The following RGS6 variants were observed in gnomAD, a reference collection of about 807,000 sequenced individuals.
The protein encoded by RGS6 is regulator of G-protein signaling 6.
A neutral mutation model predicts 78.5 loss-of-function variants in RGS6; 30 were observed. The ratio of observed to expected loss-of-function variants is 0.38; its 90% CI spans 0.29 to 0.52. The LOEUF is 0.52. Among genes scored for constraint, RGS6 ranks in the 20% least tolerant of loss-of-function variants. The probability of loss-of-function intolerance (pLI) is 0.85; values close to 1 mark genes in which losing one functional copy is unlikely to be tolerated. For synonymous variants in RGS6, 206 were observed against 206.0 expected, an observed-to-expected ratio of 1.00 and a Z score of 0.00; for missense variants, 495 against 609.7, an observed-to-expected ratio of 0.81 and a Z score of 1.98.
At chr14:71,936,977 G>A (rs1424418267) in intron 1 of RGS6, among the ~76,000 whole-genome samples, 1 of 152,138 alleles carries the variant, frequency 6.6e-6, no homozygotes, top group African/African-American at 2.4e-5. Context: ...TGAAGGATCT[G>A]GACCATTTGT....
At chr14:72,538,059 T>G (rs1170086913) in intron 16 of RGS6, among the ~76,000 whole-genome samples, 2 of 152,226 alleles carry the variant, frequency 1.3e-5, no homozygotes, top group Non-Finnish European at 2.9e-5. Context: ...AGAAAGCCCT[T>G]GCAGATACCA....
chr14:72,169,240 G>A (rs988720328), intron 2 of RGS6, among the ~76,000 whole-genome samples: 2 of 152,200 alleles, frequency 1.3e-5, no homozygotes, highest in Admixed American at 1.3e-4. Flanking sequence ...GAGTAATGAT[G>A]TAGGCTCAGG....
chr14:72,618,714 TG>T, the RGS6 span, among the ~76,000 whole-genome samples: 1 of 149,564 alleles, frequency 6.7e-6, no homozygotes, highest in East Asian at 2.0e-4. Flanking sequence ...ATGCCACTGC[TG>T]GGGTTCTAGA....
At position 71,990,078 on chromosome 14, in the gene RGS6, G is replaced by A. The variant is rs574957882; in HGVS notation, c.84+25203G>A. Among the ~76,000 whole-genome samples the A allele has an allele frequency of 5.3e-5, 8 of 152,282 alleles. No individual in the cohort carries two copies. The South Asian group carries it at 1.7e-3, about 32-fold the overall frequency. ...AAGGTCAAAGGAGAAGTGAGTACGT[G>A]TGAAGAGACACCATACCCAAAGGGC... On this transcript the variant is annotated intron_variant, in intron 2 of 17. Coordinates refer to ENST00000553525, the MANE Select transcript of RGS6 (RefSeq NM_001204424.2).
intron 3 of RGS6, among the ~76,000 whole-genome samples, chr14:72,384,650 G>A (rs1055263381): frequency 7.2e-5 from 11 of 152,154 alleles, no homozygotes; most frequent in African/African-American, 2.4e-4. Context: ...TCAGTTCCCC[G>A]AGTGTCAGTA....
intron 3 of RGS6, among the ~76,000 whole-genome samples, chr14:72,370,499 A>G (rs2083282621): frequency 6.6e-6 from 1 of 152,226 alleles, no homozygotes; most frequent in African/African-American, 2.4e-5. Flanking sequence ...ATGAGGAACA[A>G]GGAGGCTACA....
intron 6 of RGS6, among the ~76,000 whole-genome samples, chr14:72,460,427 A>C (rs2095748492): frequency 6.6e-6 from 1 of 152,202 alleles, no homozygotes; most frequent in Admixed American, 6.5e-5. Flanking sequence ...GGTCCAGCTT[A>C]TGCATTCTCA....
intron 2 of RGS6, among the ~76,000 whole-genome samples, chr14:72,096,289 AAAAAG>A (rs1368162175): frequency 6.6e-6 from 1 of 152,058 alleles, no homozygotes; most frequent in East Asian, 1.9e-4. Flanking sequence ...TTAAAAAAAA[AAAAAG>A]AAAAGAAAAA....
the RGS6 span, among the ~76,000 whole-genome samples, chr14:71,896,484 C>T: frequency 3.3e-5 from 5 of 152,164 alleles, no homozygotes; most frequent in Middle Eastern, 3.4e-3. Context: ...TGGTGGGTTT[C>T]GGCCAGCTTC....
At chr14:72,314,336 G>T (rs847355) in intron 2 of RGS6, among the ~76,000 whole-genome samples, 70,582 of 151,938 alleles carry the variant, frequency 0.46, 16,490 homozygotes, top group South Asian at 0.57. Context: ...GTGGGTCCAG[G>T]CATCACAACA....
intron 2 of RGS6, among the ~76,000 whole-genome samples, chr14:72,092,090 A>G (rs2153503610): frequency 6.6e-6 from 1 of 152,236 alleles, no homozygotes; most frequent in Admixed American, 6.5e-5. Flanking sequence ...TGAAGGTGCC[A>G]TCTCGGCTCA....
intron 3 of RGS6, among the ~76,000 whole-genome samples, chr14:72,359,943 G>A (rs188158907): frequency 3.3e-5 from 5 of 152,256 alleles, no homozygotes; most frequent in South Asian, 2.1e-4. Flanking sequence ...AGAGTGATTC[G>A]AGGTGCTAAG....
At chr14:72,014,776 C>G (rs1381511063) in intron 2 of RGS6, among the ~76,000 whole-genome samples, 1 of 152,170 alleles carries the variant, frequency 6.6e-6, no homozygotes, top group Non-Finnish European at 1.5e-5. Flanking sequence ...CTCTCCTTCC[C>G]TGTTTTTTCT....
chr14:72,347,932 A>G (rs922560083), intron 2 of RGS6, among the ~76,000 whole-genome samples: 26 of 152,348 alleles, frequency 1.7e-4, no homozygotes, highest in Non-Finnish European at 1.9e-4. Flanking sequence ...CACTGAGACT[A>G]AAAGCTTTAT....
chr14:72,212,079 C>T (rs963590171), intron 2 of RGS6, among the ~76,000 whole-genome samples: 1 of 152,102 alleles, frequency 6.6e-6, no homozygotes, highest in African/African-American at 2.4e-5. Flanking sequence ...TGGGGGAGAG[C>T]ACCTAGAGCC....
rs555276596 is a variant in RGS6, at chr14:72,271,176, A to G, written c.85-80919A>G. Among the ~76,000 whole-genome samples the G allele has an allele frequency of 2.3e-4, 35 of 152,300 alleles. 1 individual carries two copies. Among genetic ancestry groups the G allele is most frequent in the African/African-American group, 8.2e-4 (34 of 41,550 alleles). ...GTATTAATCTGTTCTCATGCTGCCAATAAAGACATACCCAAGACTGGGTAA... is the reference window on the plus strand; with the variant it reads ...GTATTAATCTGTTCTCATGCTGCCAGTAAAGACATACCCAAGACTGGGTAA... On this transcript the variant is annotated intron_variant, in intron 2 of 17. Transcript: ENST00000553525.
At chr14:72,170,203 CAAT>C (rs1192719872) in intron 2 of RGS6, among the ~76,000 whole-genome samples, 1 of 152,140 alleles carries the variant, frequency 6.6e-6, no homozygotes, top group African/African-American at 2.4e-5. Flanking sequence ...CCCTTCTTAC[CAAT>C]AAATTCTGCC....
At chr14:72,620,496 C>T in the RGS6 span, among the ~76,000 whole-genome samples, 1 of 152,204 alleles carries the variant, frequency 6.6e-6, no homozygotes, top group Non-Finnish European at 1.5e-5. Flanking sequence ...GTAGCGCCAT[C>T]CCTCGGCTTC....
chr14:72,149,313 C>T (rs1268335931), intron 2 of RGS6, among the ~76,000 whole-genome samples: 1 of 152,170 alleles, frequency 6.6e-6, no homozygotes, highest in Non-Finnish European at 1.5e-5. Context: ...TTAGACATGG[C>T]CCAGCCATAT....
Sources: allele counts gnomAD v4.1 joint callset (sites outside exome capture counted in the v4.1 genomes callset), GRCh38; gene constraint gnomAD v4.1.1; transcripts MANE v1.5; gene names NCBI Gene and HGNC (gene_info 2026-07-23, HGNC 2026-07-21).